The following ABLIM1 variants were observed in gnomAD, a reference collection of about 807,000 sequenced individuals.
ABLIM1 encodes actin-binding LIM protein 1.
ABLIM1 carries 40 observed loss-of-function variants against 107.0 expected under a neutral mutation model. That is an observed-to-expected ratio of 0.37 (90% CI 0.29 to 0.49). ABLIM1 has a LOEUF of 0.49. Ranked by LOEUF, ABLIM1 falls within the 20% of genes least tolerant of loss-of-function variation. The probability of loss-of-function intolerance (pLI) is 0.97; values close to 1 mark genes in which losing one functional copy is unlikely to be tolerated. For missense variants in ABLIM1, 857 were observed against 1,008.5 expected, an observed-to-expected ratio of 0.85 and a Z score of 2.04; for synonymous variants, 357 against 357.3, an observed-to-expected ratio of 1.00 and a Z score of 0.01.
At chr10:114,527,659 C>CTTT (rs10639922) in intron 6 of ABLIM1, among the ~76,000 whole-genome samples, 3,279 of 127,256 alleles carry the variant, frequency 0.026, 137 homozygotes, top group African/African-American at 0.04. Context: ...CAACTCTTGT[C>CTTT]TTTTTTTTTT....
chr10:114,691,479 C>A (rs2081077607), intron 1 of ABLIM1, among the ~76,000 whole-genome samples: 1 of 152,138 alleles, frequency 6.6e-6, no homozygotes, highest in South Asian at 2.1e-4. Context: ...CCTCTCACTC[C>A]CTCCCAGTCT....
In ABLIM1 at chr10:114,431,889, T is replaced by C. The variant is rs2138747149; in HGVS notation, c.*4371A>G. The C allele has an allele frequency of 6.6e-6, 1 of 152,292 alleles. No individual in the cohort carries two copies. 9.4% of individuals were successfully genotyped at this position (152,292 alleles called of 1,614,324 possible). Reference sequence around the variant, plus strand: ...CTTTTTGAGTTTTCCATGATTAAACTTGCCCAAATAAAAACATAACAATCC... The same window carrying C: ...CTTTTTGAGTTTTCCATGATTAAACCTGCCCAAATAAAAACATAACAATCC... On this transcript the variant is annotated 3_prime_UTR_variant, in exon 23 of 23. Transcript: ENST00000533213.
intron 7 of ABLIM1, among the ~76,000 whole-genome samples, chr10:114,491,012 G>GTATATATATA (rs71473045): frequency 5.4e-4 from 50 of 92,354 alleles, no homozygotes; most frequent in African/African-American, 6.5e-4. Flanking sequence ...GTGTGTGTGT[G>GTATATATATA]TATATATATA....
intron 6 of ABLIM1, among the ~76,000 whole-genome samples, chr10:114,519,451 C>T (rs943718802): frequency 3.9e-5 from 6 of 152,076 alleles, no homozygotes; most frequent in Admixed American, 6.6e-5. Flanking sequence ...TGGGTGTGAG[C>T]GAGTGCAGAT....
At chr10:114,523,048 G>C (rs920325606) in intron 6 of ABLIM1, among the ~76,000 whole-genome samples, 1 of 152,196 alleles carries the variant, frequency 6.6e-6, no homozygotes, top group Non-Finnish European at 1.5e-5. Flanking sequence ...GTTACTCGGA[G>C]GGTGAGGCAG....
At chr10:114,502,911 T>C (rs920879623) in intron 6 of ABLIM1, among the ~76,000 whole-genome samples, 1 of 152,214 alleles carries the variant, frequency 6.6e-6, no homozygotes, top group Non-Finnish European at 1.5e-5. Context: ...AACCCCCTTG[T>C]GTCCTCTTCC....
At chr10:114,474,007 T>C (rs375595229) in intron 8 of ABLIM1, 51 bp from the exon 9 acceptor site, 63 of 1,417,076 alleles carry the variant, frequency 4.4e-5, no homozygotes, top group Non-Finnish European at 6.2e-5. Context: ...CTTCAGAATC[T>C]AGACTGTCCT....
chr10:114,516,159 G>A (rs915822972), intron 6 of ABLIM1, among the ~76,000 whole-genome samples: 1 of 151,874 alleles, frequency 6.6e-6, no homozygotes, highest in African/African-American at 2.4e-5. Context: ...CTAAGGGAGT[G>A]AGGTGAGCAG....
chr10:114,563,126 T>C (rs1314711041), intron 4 of ABLIM1, among the ~76,000 whole-genome samples: 1 of 152,204 alleles, frequency 6.6e-6, no homozygotes, highest in Non-Finnish European at 1.5e-5. Flanking sequence ...AGAAGTTATG[T>C]AAAACCGTGT....
chr10:114,670,774 C>T (rs560838263), intron 1 of ABLIM1, among the ~76,000 whole-genome samples: 1 of 152,250 alleles, frequency 6.6e-6, no homozygotes, highest in African/African-American at 2.4e-5. Flanking sequence ...GGATTATAGG[C>T]GTAAGCCTCT....
chr10:114,446,515 G>A (rs917822558), intron 15 of ABLIM1, among the ~76,000 whole-genome samples: 1 of 152,120 alleles, frequency 6.6e-6, no homozygotes, highest in Non-Finnish European at 1.5e-5. Context: ...ATCTGGCTGT[G>A]GGAGGAAACA....
intron 1 of ABLIM1, among the ~76,000 whole-genome samples, chr10:114,622,475 G>A (rs926724300): frequency 4.6e-5 from 7 of 151,882 alleles, no homozygotes; most frequent in African/African-American, 9.7e-5. Flanking sequence ...TCACACTTCC[G>A]AGCTCAAGTG....
intron 6 of ABLIM1, among the ~76,000 whole-genome samples, chr10:114,540,032 A>C (rs546186149): frequency 2.5e-4 from 38 of 152,328 alleles, no homozygotes; most frequent in African/African-American, 8.9e-4. Context: ...TAAATTTATA[A>C]GTTAATCAGC....
rs149777711 is a variant in ABLIM1, at chr10:114,572,527, T to C, written c.564-1121A>G. ...TTTTAGAAGTCCCGAGGAGAGGTGG[T>C]GTCCTCTCCACTTGTGATGCTGTGT... is the stretch of plus-strand genomic sequence containing the variant. On this transcript the variant is annotated intron_variant, in intron 3 of 22. Coordinates refer to ENST00000533213, the MANE Select transcript of ABLIM1 (RefSeq NM_002313.7). Among the ~76,000 whole-genome samples, 356 of 152,284 alleles carry C rather than the reference T, an allele frequency of 2.3e-3. 3 individuals are homozygous for C. Among genetic ancestry groups the C allele is most frequent in the East Asian group, 6.4e-3 (33 of 5,176 alleles).
At chr10:114,790,907 T>TAATTAA in the ABLIM1 span, among the ~76,000 whole-genome samples, 5 of 152,172 alleles carry the variant, frequency 3.3e-5, no homozygotes, top group African/African-American at 7.2e-5. Flanking sequence ...CCTAAAATTG[T>TAATTAA]AATTAAAATT....
At chr10:114,441,988 C>T (rs2060262880) in intron 17 of ABLIM1, among the ~76,000 whole-genome samples, 1 of 152,092 alleles carries the variant, frequency 6.6e-6, no homozygotes, top group Non-Finnish European at 1.5e-5. Context: ...AAGGGAAAGT[C>T]AAGTCCACGC....
intron 1 of ABLIM1, among the ~76,000 whole-genome samples, chr10:114,703,650 A>C (rs2081349545): frequency 6.6e-6 from 1 of 152,254 alleles, no homozygotes. Flanking sequence ...GTCAGCATTC[A>C]GTCATCTTCA....
chr10:114,463,076 AG>A, intron 12 of ABLIM1: 1 of 1,296,214 alleles, frequency 7.7e-7, no homozygotes, highest in Non-Finnish European at 1.0e-6. Context: ...GGTGTCGGAA[AG>A]GGGGGTTGGG....
intron 1 of ABLIM1, among the ~76,000 whole-genome samples, chr10:114,691,422 T>C (rs1472204925): frequency 6.6e-6 from 1 of 152,266 alleles, no homozygotes; most frequent in African/African-American, 2.4e-5. Context: ...GTTGCAGTGA[T>C]GGACTTTCTA....
Sources: allele counts gnomAD v4.1 joint callset (sites outside exome capture counted in the v4.1 genomes callset), GRCh38; gene constraint gnomAD v4.1.1; transcripts MANE v1.5; gene names NCBI Gene and HGNC (gene_info 2026-07-23, HGNC 2026-07-21).